The following ABHD18 variants were observed in gnomAD, a reference collection of about 807,000 sequenced individuals.
ABHD18 encodes the protein abhydrolase domain containing 18, also known as cardiolipin-specific deacylase, mitochondrial.
A neutral mutation model predicts 65.9 loss-of-function variants in ABHD18; 55 were observed. The ratio of observed to expected loss-of-function variants is 0.84; its 90% CI spans 0.67 to 1.05. The LOEUF (loss-of-function observed/expected upper bound fraction) is 1.05. ABHD18 is among the 50% of genes least tolerant of loss of function. The pLI, the probability that ABHD18 is intolerant of heterozygous loss-of-function variation, is 0.00. For synonymous variants in ABHD18, 181 were observed against 180.2 expected, an observed-to-expected ratio of 1.00 and a Z score of -0.04; for missense variants, 533 against 558.5, an observed-to-expected ratio of 0.95 and a Z score of 0.46.
At chr4:127,967,078 C>T (rs911796784) in intron 1 of ABHD18, among the ~76,000 whole-genome samples, 1 of 151,734 alleles carries the variant, frequency 6.6e-6, no homozygotes, top group African/African-American at 2.4e-5. Flanking sequence ...GCCATAATGT[C>T]GCTTTATTAT....
intron 4 of ABHD18, among the ~76,000 whole-genome samples, chr4:127,992,774 G>T (rs937138201): frequency 6.6e-6 from 1 of 151,872 alleles, no homozygotes; most frequent in Non-Finnish European, 1.5e-5. Context: ...AAATTCCTGG[G>T]CTCATGTGAT....
chr4:128,008,364 C>T (rs961880320), intron 4 of ABHD18, among the ~76,000 whole-genome samples: 9 of 148,286 alleles, frequency 6.1e-5, no homozygotes, highest in South Asian at 2.2e-4. Flanking sequence ...CTCTGCCTCC[C>T]GGGTTTAAGC....
intron 6 of ABHD18, among the ~76,000 whole-genome samples, chr4:128,010,904 C>CA (rs35809796): frequency 0.17 from 11,020 of 64,842 alleles, 1,008 homozygotes; most frequent in East Asian, 0.39. Context: ...GACTGCGCCT[C>CA]AAAAAAAAAA....
chr4:127,966,019 C>T (rs1445261865), intron 1 of ABHD18: 1 of 152,286 alleles, frequency 6.6e-6, no homozygotes, highest in Non-Finnish European at 1.5e-5. Flanking sequence ...AAATGTCACT[C>T]AGCAGAGCCT....
In ABHD18 at chr4:127,989,797, T is replaced by A; in HGVS notation, c.254T>A (p.Met85Lys). The change falls in exon 4 of 13, where the codon ATG becomes AAG. Residue 85 changes from methionine (M) to lysine (K), a missense_variant. By Grantham distance (95) the Met-to-Lys change is moderately conservative (BLOSUM62 -1). Around this residue, in one of 3 missense-constraint regions of ABHD18, gnomAD observed 309 missense variants for 313.5 expected, o/e 0.99. Coordinates refer to ENST00000645843, the MANE Select transcript of ABHD18 (RefSeq NM_001358451.3). ...ATGGCTCACTATGTGCCTGATATCA[T>A]GCCAATTGAATCTGTTATTGCAAGG... ...SPMAHYVPDI[M>K]PIESVIARFQ... The A allele has an allele frequency of 6.3e-7, 1 of 1,595,688 alleles. No individual in the cohort carries two copies. The highest frequency in any genetic ancestry group is 8.5e-7 in the Non-Finnish European group (1 of 1,170,824).
chr4:128,012,010 T>TTTTC, intron 7 of ABHD18, among the ~76,000 whole-genome samples: 1 of 151,560 alleles, frequency 6.6e-6, no homozygotes. Flanking sequence ...GACGCAGTCA[T>TTTTC]TCTGTCACCC....
At chr4:128,022,895 T>A (rs566611973) in intron 10 of ABHD18, among the ~76,000 whole-genome samples, 39 of 152,036 alleles carry the variant, frequency 2.6e-4, no homozygotes, top group Non-Finnish European at 5.1e-4. Context: ...CTCAGCCTCC[T>A]GAGCAGCTGG....
At chr4:128,002,028 A>T (rs762267405) in intron 4 of ABHD18, among the ~76,000 whole-genome samples, 13 of 152,052 alleles carry the variant, frequency 8.5e-5, no homozygotes, top group Non-Finnish European at 1.5e-4. Flanking sequence ...TAATCCCAGC[A>T]CTTTGGGAGG....
Position 128,028,666 on chromosome 4 carries a change from G to A in ABHD18, c.993G>A (p.Leu331=). 6.2e-7 allele frequency: 1 copy of A among 1,613,770 alleles called. No individual in the cohort carries two copies. Among genetic ancestry groups the A allele is most frequent in the Admixed American group, 1.7e-5 (1 of 59,970 alleles). ...SVSATSEGLL[L]QDTSKMKRFN... ...GTGCGACATCAGAAGGACTCTTATT[G>A]CAAGATACCTCTAAGATGAAGCGCT... Residue 331 remains leucine, a synonymous_variant, in exon 11 of 13, where the codon TTG becomes TTA. Coordinates refer to ENST00000645843, the MANE Select transcript of ABHD18 (RefSeq NM_001358451.3).
intron 10 of ABHD18, among the ~76,000 whole-genome samples, chr4:128,027,166 G>A (rs1420854411): frequency 1.3e-5 from 2 of 152,140 alleles, no homozygotes; most frequent in Non-Finnish European, 2.9e-5. Context: ...GTAACATGTT[G>A]TACAGGTTAG....
intron 8 of ABHD18, among the ~76,000 whole-genome samples, chr4:128,017,883 G>A (rs72618816): frequency 0.03 from 4,595 of 152,224 alleles, 300 homozygotes; most frequent in East Asian, 0.26. Flanking sequence ...GCCTTTTAGA[G>A]TGTACTAAAA....
chr4:127,992,418 T>A (rs1170312379), intron 4 of ABHD18, among the ~76,000 whole-genome samples: 1 of 151,712 alleles, frequency 6.6e-6, no homozygotes, highest in African/African-American at 2.4e-5. Flanking sequence ...GAGGTTGCAG[T>A]GAGCTGAGAT....
intron 4 of ABHD18, among the ~76,000 whole-genome samples, chr4:128,005,025 T>G: frequency 6.6e-6 from 1 of 152,264 alleles, no homozygotes; most frequent in Non-Finnish European, 1.5e-5. Context: ...GGTCAGGGGT[T>G]CAAGACCAGC....
intron 4 of ABHD18, among the ~76,000 whole-genome samples, chr4:127,998,646 A>G (rs1385000792): frequency 1.3e-5 from 2 of 151,718 alleles, no homozygotes; most frequent in African/African-American, 4.8e-5. Flanking sequence ...AGCTGGGACT[A>G]TAGGTGTGCG....
At chr4:128,021,863 T>C (rs1756550309) in intron 10 of ABHD18, among the ~76,000 whole-genome samples, 1 of 152,222 alleles carries the variant, frequency 6.6e-6, no homozygotes, top group Non-Finnish European at 1.5e-5. Flanking sequence ...GTAATCGTTA[T>C]CCTTATGTTT....
At chr4:128,005,804 G>A (rs1476776329) in intron 4 of ABHD18, among the ~76,000 whole-genome samples, 1 of 151,406 alleles carries the variant, frequency 6.6e-6, no homozygotes, top group Non-Finnish European at 1.5e-5. Flanking sequence ...AAGCCATGAA[G>A]ATCCAAGAGG....
Position 128,029,596 on chromosome 4 carries a change from G to T in ABHD18, c.1180+743G>T, listed in dbSNP as rs191294964. The stretch of plus-strand genomic sequence containing the variant: ...CCCAGTGCTTTGGGAGGCCAAGGCG[G>T]GTGGATCACTTGAGGTCAGGAGTTT... On this transcript the variant is annotated intron_variant, in intron 11 of 12. Coordinates refer to ENST00000645843, the MANE Select transcript of ABHD18 (RefSeq NM_001358451.3). Among the ~76,000 whole-genome samples the T allele has an allele frequency of 5.6e-4, 85 of 152,296 alleles. 1 individual carries two copies. The East Asian group carries it at 0.014, about 25-fold the overall frequency.
Position 128,028,454 on chromosome 4 carries a change from T to C in ABHD18, c.802-21T>C, listed in dbSNP as rs766530909. Reference sequence around the variant, plus strand: ...CCCTATTTTATATTAAATAATGTTTTCTTTCCTTTCATATGTTCAGACAGA... The same window carrying C: ...CCCTATTTTATATTAAATAATGTTTCCTTTCCTTTCATATGTTCAGACAGA... On this transcript the variant is annotated intron_variant, in intron 10 of 12. Coordinates refer to ENST00000645843, the MANE Select transcript of ABHD18 (RefSeq NM_001358451.3). 3.4e-6 allele frequency: 5 copies of C among 1,449,752 alleles called. No homozygotes were observed. The African/African-American group carries it at 5.8e-5, about 17-fold the overall frequency. 89.8% of individuals were successfully genotyped at this position (1,449,752 alleles called of 1,614,324 possible).
intron 8 of ABHD18, among the ~76,000 whole-genome samples, chr4:128,019,282 G>A (rs1005074965): frequency 2.0e-5 from 3 of 151,914 alleles, no homozygotes; most frequent in Admixed American, 6.6e-5. Context: ...ATTAATTCCC[G>A]ATTATCTATA....
Sources: allele counts gnomAD v4.1 joint callset (sites outside exome capture counted in the v4.1 genomes callset), GRCh38; gene constraint gnomAD v4.1.1; regional missense constraint gnomAD v4.1.1; transcripts MANE v1.5; gene names NCBI Gene and HGNC (gene_info 2026-07-23, HGNC 2026-07-21).